The following GPHN variants were observed in gnomAD, a reference collection of about 807,000 sequenced individuals.
GPHN encodes the protein gephyrin.
In GPHN, 17 loss-of-function variants were observed where a neutral mutation model predicts 95.5. That is an observed-to-expected ratio of 0.18 (90% CI 0.12 to 0.27). The LOEUF is 0.27. Among genes scored for constraint, GPHN ranks in the 10% least tolerant of loss-of-function variants. The probability of loss-of-function intolerance (pLI) is 1.00; values close to 1 mark genes in which losing one functional copy is unlikely to be tolerated. For synonymous variants in GPHN, 320 were observed against 322.5 expected (o/e 0.99, Z 0.08); for missense variants, 660 against 978.1 (o/e 0.67, Z 4.34).
chr14:67,111,091 G>A (rs2078342018), intron 14 of GPHN, among the ~76,000 whole-genome samples: 1 of 152,232 alleles, frequency 6.6e-6, no homozygotes, highest in South Asian at 2.1e-4. Flanking sequence ...AAGCCGAGTA[G>A]ATAGTAAAAT....
chr14:66,842,743 A>G, intron 4 of GPHN: 2 of 1,475,716 alleles, frequency 1.4e-6, no homozygotes, highest in Non-Finnish European at 9.1e-7. Flanking sequence ...ATCCCAGCCA[A>G]TCATTTTCAG....
intron 1 of GPHN, among the ~76,000 whole-genome samples, chr14:66,590,220 C>T (rs373246395): frequency 1.2e-3 from 175 of 152,138 alleles, no homozygotes; most frequent in African/African-American, 3.9e-3. Context: ...CAGGAGAAAG[C>T]GGGCAAGATC....
chr14:66,542,162 T>C (rs1031008909), intron 1 of GPHN, among the ~76,000 whole-genome samples: 1 of 152,212 alleles, frequency 6.6e-6, no homozygotes, highest in African/African-American at 2.4e-5. Flanking sequence ...TGTTAGTGTC[T>C]AAATTAGCAG....
the GPHN span, among the ~76,000 whole-genome samples, chr14:67,208,888 C>T: frequency 1.4e-5 from 2 of 142,572 alleles, no homozygotes; most frequent in Admixed American, 1.4e-4. Context: ...CAGAGTAAAA[C>T]TCTGTCTCAA....
intron 1 of GPHN, among the ~76,000 whole-genome samples, chr14:66,666,185 G>T (rs531586653): frequency 6.6e-6 from 1 of 151,804 alleles, no homozygotes; most frequent in Admixed American, 6.6e-5. Context: ...CAGCAACATG[G>T]CACACGTATA....
At chr14:67,479,996 C>A in the GPHN span, among the ~76,000 whole-genome samples, 1 of 152,166 alleles carries the variant, frequency 6.6e-6, no homozygotes, top group Non-Finnish European at 1.5e-5. Context: ...ACCTAATGGA[C>A]GCTGCCCAAC....
the GPHN span, among the ~76,000 whole-genome samples, chr14:67,732,006 A>T: frequency 6.6e-6 from 1 of 151,886 alleles, no homozygotes; most frequent in African/African-American, 2.4e-5. Flanking sequence ...GGGTGCCTGT[A>T]ATCCCAGCCA....
At chr14:66,962,705 T>G (rs2069035490) in intron 8 of GPHN, among the ~76,000 whole-genome samples, 1 of 151,946 alleles carries the variant, frequency 6.6e-6, no homozygotes, top group Non-Finnish European at 1.5e-5. Context: ...TGTAATGGCT[T>G]CTTTTCAGCT....
At chr14:67,700,618 G>A in the GPHN span, among the ~76,000 whole-genome samples, 2 of 152,058 alleles carry the variant, frequency 1.3e-5, no homozygotes, top group African/African-American at 2.4e-5. Context: ...GGGAGGCTGA[G>A]GCAGGAGAAT....
the GPHN span, chr14:67,353,752 A>T: frequency 6.6e-6 from 1 of 152,126 alleles, no homozygotes. Flanking sequence ...CAGCCTCCCA[A>T]AGTACTGGGA....
intron 1 of GPHN, among the ~76,000 whole-genome samples, chr14:66,645,871 G>A (rs890811648): frequency 6.6e-6 from 1 of 151,622 alleles, no homozygotes; most frequent in Non-Finnish European, 1.5e-5. Flanking sequence ...TTTTACAAGG[G>A]GCCTGATGAC....
At chr14:66,945,412 A>G (rs1394725114) in intron 8 of GPHN, among the ~76,000 whole-genome samples, 1 of 152,174 alleles carries the variant, frequency 6.6e-6, no homozygotes, top group Non-Finnish European at 1.5e-5. Context: ...TACCTCCTGC[A>G]TCTATCAGTA....
the GPHN span, among the ~76,000 whole-genome samples, chr14:67,457,056 G>T: frequency 1.3e-5 from 2 of 152,162 alleles, no homozygotes; most frequent in African/African-American, 4.8e-5. Flanking sequence ...ATCTTCTCGT[G>T]TATAAGTGGG....
the GPHN span, among the ~76,000 whole-genome samples, chr14:67,604,749 TC>T: frequency 1.3e-5 from 2 of 152,208 alleles, no homozygotes; most frequent in African/African-American, 2.4e-5. Context: ...ATCTTTTTTT[TC>T]CCTAGAAGCT....
At chr14:67,274,394 T>TC in the GPHN span, among the ~76,000 whole-genome samples, 3 of 152,076 alleles carry the variant, frequency 2.0e-5, no homozygotes, top group African/African-American at 4.8e-5. Flanking sequence ...TTTCCCCATT[T>TC]TTGTTTTTGT....
intron 3 of GPHN, among the ~76,000 whole-genome samples, chr14:66,821,699 A>T (rs117709503): frequency 0.012 from 1,831 of 152,312 alleles, 19 homozygotes; most frequent in Non-Finnish European, 0.018. Flanking sequence ...CAAGTGACTG[A>T]ATGATAGGAT....
chr14:66,695,577 T>C (rs1386963903), intron 2 of GPHN, among the ~76,000 whole-genome samples: 2 of 152,210 alleles, frequency 1.3e-5, no homozygotes, highest in East Asian at 3.8e-4. Flanking sequence ...ATAGAAACTT[T>C]ATAAATGACA....
At chr14:67,562,490 G>T in the GPHN span, 2 of 1,613,302 alleles carry the variant, frequency 1.2e-6, no homozygotes, top group Non-Finnish European at 1.7e-6. Flanking sequence ...TGAGGGTCTG[G>T]TTACTGCTCA....
chr14:67,637,079 A>G, the GPHN span, among the ~76,000 whole-genome samples: 4 of 152,174 alleles, frequency 2.6e-5, no homozygotes, highest in South Asian at 4.1e-4. Context: ...CTTATGACCT[A>G]TGAACCAGAA....
Sources: allele counts gnomAD v4.1 joint callset (sites outside exome capture counted in the v4.1 genomes callset), GRCh38; gene constraint gnomAD v4.1.1; transcripts MANE v1.5; gene names NCBI Gene and HGNC (gene_info 2026-07-23, HGNC 2026-07-21).